WASHC4: variants seen among roughly 807,000 people sequenced by gnomAD.
The protein encoded by WASHC4 is WASH complex subunit 4, also known as WASH complex subunit 7.
In WASHC4, 86 loss-of-function variants were observed where a neutral mutation model predicts 166.6. The observed-to-expected ratio is 0.52, with a 90% CI of 0.43 to 0.62. The LOEUF (loss-of-function observed/expected upper bound fraction) is 0.62. Among genes scored for constraint, WASHC4 ranks in the 20% least tolerant of loss-of-function variants. The pLI is 0.00. For missense variants in WASHC4, 1,262 were observed against 1,382.4 expected, an observed-to-expected ratio of 0.91 and a Z score of 1.38; for synonymous variants, 446 against 451.6, an observed-to-expected ratio of 0.99 and a Z score of 0.16.
intron 28 of WASHC4, 147 bp downstream of exon 28, chr12:105,157,469 A>G: frequency 1.7e-6 from 1 of 579,366 alleles, no homozygotes; most frequent in East Asian, 3.0e-5. Flanking sequence ...TTAAGACTTC[A>G]GTATTCTAAG....
chr12:105,129,877 A>G (rs1566005835), intron 13 of WASHC4, among the ~76,000 whole-genome samples: 1 of 152,224 alleles, frequency 6.6e-6, no homozygotes, highest in Non-Finnish European at 1.5e-5. Context: ...CATTATGCTA[A>G]TAGCTTTAAA....
intron 14 of WASHC4, among the ~76,000 whole-genome samples, chr12:105,137,176 C>T (rs1356227943): frequency 6.0e-5 from 2 of 33,144 alleles, no homozygotes; most frequent in Non-Finnish European, 9.3e-5. Flanking sequence ...AGCAATATCC[C>T]TTTTTTCCTT....
chr12:105,145,774 T>C (rs563935350), intron 22 of WASHC4, among the ~76,000 whole-genome samples: 1 of 152,218 alleles, frequency 6.6e-6, no homozygotes, highest in African/African-American at 2.4e-5. Context: ...TAGAAAAAAC[T>C]ATGGAACAGT....
Position 105,140,917 on chromosome 12 carries a change from A to C in WASHC4, c.1579A>C (p.Lys527Gln). 6.2e-7 allele frequency: 1 copy of C among 1,613,968 alleles called. No homozygotes were observed. Among genetic ancestry groups the C allele is most frequent in the Non-Finnish European group, 8.5e-7 (1 of 1,179,928 alleles). Residue 527 changes from lysine to glutamine, a missense_variant, in exon 17 of 33, where the codon AAA (lysine) becomes CAA (glutamine). By Grantham distance (53) the Lys-to-Gln change is moderately conservative. Transcript: ENST00000332180. ...SVAKKRVISD[K>Q]KYSEQRLDVL... ...TTTTAAGAAAAGAGTGATTTCTGAC[A>C]AAAAATACAGCGAACAGCGTCTTGA...
At chr12:105,123,321 G>A (rs1009864239) in intron 10 of WASHC4, among the ~76,000 whole-genome samples, 1 of 151,930 alleles carries the variant, frequency 6.6e-6, no homozygotes, top group African/African-American at 2.4e-5. Context: ...TTTTAGGGGG[G>A]TGGGGAAAGC....
At chr12:105,131,307 C>T (rs1384683514) in intron 13 of WASHC4, among the ~76,000 whole-genome samples, 1 of 151,042 alleles carries the variant, frequency 6.6e-6, no homozygotes, top group African/African-American at 2.4e-5. Context: ...AGGATGGTCT[C>T]GATCTCCTGA....
intron 28 of WASHC4, 50 bp downstream of exon 28, chr12:105,157,372 G>C (rs370358563): frequency 9.6e-7 from 1 of 1,039,430 alleles, no homozygotes; most frequent in East Asian, 2.4e-5. Flanking sequence ...AAAACATTCT[G>C]AAGAGAAGAC....
intron 13 of WASHC4, among the ~76,000 whole-genome samples, chr12:105,132,787 AGT>A (rs58569487): frequency 0.12 from 17,516 of 142,136 alleles, 1,041 homozygotes; most frequent in East Asian, 0.17. Flanking sequence ...TGAAAGAGGT[AGT>A]GTGTGTGTGT....
intron 20 of WASHC4, among the ~76,000 whole-genome samples, chr12:105,143,956 A>ATT (rs34577662): frequency 2.2e-4 from 33 of 150,066 alleles, no homozygotes; most frequent in South Asian, 1.0e-3. Context: ...GAATTTTGTG[A>ATT]TTTTTTTTTT....
At chr12:105,162,600 A>G (rs1447020016) in intron 29 of WASHC4, 149 bp from the exon 30 acceptor site, 1 of 579,702 alleles carries the variant, frequency 1.7e-6, no homozygotes, top group Non-Finnish European at 3.1e-6. Context: ...ACCTAAGGCA[A>G]ATGTTTCAGA....
intron 18 of WASHC4, 91 bp from the exon 19 acceptor site, chr12:105,142,362 G>A (rs1304788317): frequency 3.9e-6 from 3 of 776,356 alleles, no homozygotes; most frequent in Non-Finnish European, 6.9e-6. Context: ...GTGTAAGATG[G>A]AACTCTTCCT....
chr12:105,143,466 T>G (rs1228623330), intron 20 of WASHC4, among the ~76,000 whole-genome samples: 2 of 152,046 alleles, frequency 1.3e-5, no homozygotes, highest in South Asian at 2.1e-4. Flanking sequence ...AATTTACTTT[T>G]GTAAATAGAT....
rs376747632 is a variant in WASHC4 at position 105,126,111 on chromosome 12, T to A, written c.894T>A (p.Asn298Lys). 6.2e-7 allele frequency: 1 copy of A among 1,613,046 alleles called. No homozygotes were observed. Among genetic ancestry groups the A allele is most frequent in the Non-Finnish European group, 8.5e-7 (1 of 1,179,346 alleles). Residue 298 changes from asparagine (N) to lysine (K), a missense_variant, in exon 11 of 33, where the codon AAT becomes AAA. Physicochemically the swap from Asn to Lys is moderately conservative, Grantham distance 94 (BLOSUM62 0). Coordinates refer to ENST00000332180, the MANE Select transcript of WASHC4 (RefSeq NM_015275.3). ...ATAGTATTCGGTCAATTTTTGCAAA[T>A]GTAGAAGCCAAACTTGGTAATGTAA... Reference protein sequence around the residue: ...FAHSIRSIFANVEAKLGEPSE... With the variant: ...FAHSIRSIFAKVEAKLGEPSE...
intron 12 of WASHC4, 49 bp downstream of exon 12, chr12:105,126,411 C>A: frequency 1.5e-6 from 2 of 1,357,238 alleles, no homozygotes; most frequent in Non-Finnish European, 2.1e-6. Flanking sequence ...AAAAAGATTG[C>A]AGATAAAACT....
At chr12:105,154,947 C>G (rs1884031933) in intron 26 of WASHC4, among the ~76,000 whole-genome samples, 1 of 152,118 alleles carries the variant, frequency 6.6e-6, no homozygotes, top group Non-Finnish European at 1.5e-5. Context: ...AAAATAGATT[C>G]AATGTTAACT....
In WASHC4 at chr12:105,146,391, A is replaced by G. The variant is rs770228245; in HGVS notation, c.2335-61A>G. ...ATAATCAATAAGTCATTATGCTGATACAAGTTTAACTGATTATTTTAATGA... is the reference window on the plus strand; with the variant it reads ...ATAATCAATAAGTCATTATGCTGATGCAAGTTTAACTGATTATTTTAATGA... On this transcript the variant is annotated intron_variant, in intron 22 of 32. Coordinates refer to ENST00000332180, the MANE Select transcript of WASHC4 (RefSeq NM_015275.3). The G allele has an allele frequency of 2.2e-5, 22 of 1,001,008 alleles. No individual in the cohort carries two copies. In the African/African-American group the frequency reaches 3.0e-4, roughly 14 times the overall value. The allele number at this position is 1,001,008 out of a possible 1,614,324, so 62.0% of individuals were successfully genotyped here.
chr12:105,159,696 A>T (rs1884375812), intron 28 of WASHC4, among the ~76,000 whole-genome samples: 1 of 152,128 alleles, frequency 6.6e-6, no homozygotes, highest in South Asian at 2.1e-4. Context: ...ATTTAAGGGG[A>T]AGAGGAAATA....
intron 4 of WASHC4, 30 bp downstream of exon 4, chr12:105,114,457 T>G: frequency 3.6e-6 from 5 of 1,389,580 alleles, no homozygotes; most frequent in Non-Finnish European, 5.0e-6. Flanking sequence ...TCTTAAAACT[T>G]TAAAAACATC....
intron 7 of WASHC4, among the ~76,000 whole-genome samples, chr12:105,119,385 G>A (rs1209969915): frequency 6.6e-6 from 1 of 152,076 alleles, no homozygotes; most frequent in East Asian, 1.9e-4. Context: ...TTAGCTCTAT[G>A]TCTAGGGATT....
Sources: gnomAD v4.1 joint callset for allele counts (sites outside exome capture counted in the v4.1 genomes callset) on GRCh38, gnomAD v4.1.1 for gene constraint, MANE v1.5 for transcripts, NCBI Gene and HGNC (gene_info 2026-07-23, HGNC 2026-07-21) for gene names.